Variants in RPSA2 observed in about 807,000 individuals in gnomAD.
The protein encoded by RPSA2 is small ribosomal subunit protein uS2B.
chr19:23,770,059 G>T, the RPSA2 span, among the ~76,000 whole-genome samples: 1 of 152,112 alleles, frequency 6.6e-6, no homozygotes, highest in Non-Finnish European at 1.5e-5. Flanking sequence ...GTTACATATA[G>T]TTGGGCCTAA....
the RPSA2 span, among the ~76,000 whole-genome samples, chr19:23,789,664 G>C: frequency 1.3e-5 from 2 of 151,794 alleles, no homozygotes; most frequent in East Asian, 3.9e-4. Context: ...CTCTCGGGTG[G>C]CACAGACAGT....
chr19:23,853,056 G>A, the RPSA2 span, among the ~76,000 whole-genome samples: 1 of 152,212 alleles, frequency 6.6e-6, no homozygotes, highest in South Asian at 2.1e-4. Context: ...GCTCCAACTG[G>A]TGAAAGCATC....
chr19:23,844,702 T>TATG, the RPSA2 span, among the ~76,000 whole-genome samples: 3 of 150,978 alleles, frequency 2.0e-5, no homozygotes, highest in East Asian at 5.8e-4. Context: ...TCCATTTTTT[T>TATG]ATAATATAAT....
At chr19:23,832,639 T>C in the RPSA2 span, 9 of 1,451,430 alleles carry the variant, frequency 6.2e-6, no homozygotes, top group Non-Finnish European at 8.3e-6. Flanking sequence ...ACCCTACAAA[T>C]GTGAAGAAGG....
the RPSA2 span, among the ~76,000 whole-genome samples, chr19:23,784,622 A>G: frequency 2.0e-5 from 3 of 152,156 alleles, no homozygotes; most frequent in African/African-American, 7.2e-5. Context: ...GGTGACACAG[A>G]TAATGTCGTA....
At chr19:23,862,057 C>T in the RPSA2 span, among the ~76,000 whole-genome samples, 1 of 152,054 alleles carries the variant, frequency 6.6e-6, no homozygotes, top group Non-Finnish European at 1.5e-5. Context: ...TTTCATTGAG[C>T]AGTGGTTTGT....
chr19:23,866,522 C>T, the RPSA2 span, among the ~76,000 whole-genome samples: 28 of 149,186 alleles, frequency 1.9e-4, 1 homozygote, highest in South Asian at 4.6e-3. Context: ...TGCCCCCCCC[C>T]GCCCAGTGGA....
the RPSA2 span, among the ~76,000 whole-genome samples, chr19:23,840,802 C>CG: frequency 6.7e-6 from 1 of 149,364 alleles, no homozygotes. Context: ...TACTAAAATA[C>CG]AAAAAAAAAA....
chr19:23,766,142 C>CTTTTTTTTTTTTTTTTTTTTTTTTTTTTT, the RPSA2 span, among the ~76,000 whole-genome samples: 10 of 43,260 alleles, frequency 2.3e-4, 5 homozygotes, highest in African/African-American at 1.6e-4. Flanking sequence ...TATTTCATTT[C>CTTTTTTTTTTTTTTTTTTTTTTTTTTTTT]CTTTTTTTTT....
the RPSA2 span, among the ~76,000 whole-genome samples, chr19:23,794,487 CT>C: frequency 6.6e-6 from 1 of 152,092 alleles, no homozygotes; most frequent in Non-Finnish European, 1.5e-5. Context: ...CGTTTGTCTT[CT>C]TTTGAAAAGC....
At chr19:23,850,033 A>T in the RPSA2 span, among the ~76,000 whole-genome samples, 4 of 152,190 alleles carry the variant, frequency 2.6e-5, no homozygotes, top group South Asian at 8.3e-4. Context: ...AGATGGATAC[A>T]ACCAGGTGCA....
chr19:23,766,952 G>C, the RPSA2 span, among the ~76,000 whole-genome samples: 2 of 151,646 alleles, frequency 1.3e-5, no homozygotes, highest in African/African-American at 2.4e-5. Flanking sequence ...TTGTTTGCTT[G>C]TTTGTTTTGT....
the RPSA2 span, among the ~76,000 whole-genome samples, chr19:23,864,183 C>T: frequency 1.3e-5 from 2 of 152,206 alleles, no homozygotes; most frequent in Admixed American, 6.5e-5. Context: ...TTTGGGCATG[C>T]AAAGAATGGG....
At chr19:23,864,142 T>G in the RPSA2 span, among the ~76,000 whole-genome samples, 4 of 152,216 alleles carry the variant, frequency 2.6e-5, no homozygotes, top group African/African-American at 9.6e-5. Context: ...CATAGATCCC[T>G]ATCTCACATT....
chr19:23,832,552 C>T, the RPSA2 span: 1 of 872,062 alleles, frequency 1.1e-6, no homozygotes, highest in Non-Finnish European at 1.7e-6. Context: ...AGAAACCCTA[C>T]AAATGTCAAG....
At chr19:23,830,592 A>T in the RPSA2 span, among the ~76,000 whole-genome samples, 1 of 125,582 alleles carries the variant, frequency 8.0e-6, no homozygotes, top group East Asian at 2.4e-4. Flanking sequence ...TTCTTTTAGG[A>T]TCTATTAGTT....
the RPSA2 span, among the ~76,000 whole-genome samples, chr19:23,828,967 A>G: frequency 1.3e-5 from 2 of 151,852 alleles, no homozygotes; most frequent in Non-Finnish European, 2.9e-5. Context: ...ACACACACAC[A>G]CAAATTTGTC....
chr19:23,868,481 C>T, the RPSA2 span, among the ~76,000 whole-genome samples: 1 of 151,744 alleles, frequency 6.6e-6, no homozygotes, highest in Non-Finnish European at 1.5e-5. Context: ...AGACCAGGCA[C>T]ATCAAACGTT....
At chr19:23,803,957 TG>T in the RPSA2 span, among the ~76,000 whole-genome samples, 1 of 152,132 alleles carries the variant, frequency 6.6e-6, no homozygotes, top group Non-Finnish European at 1.5e-5. Context: ...ATAAAAATGC[TG>T]GGTTCTTATT....
Sources: allele counts gnomAD v4.1 joint callset (sites outside exome capture counted in the v4.1 genomes callset), GRCh38; gene constraint gnomAD v4.1.1; transcripts MANE v1.5; gene names NCBI Gene and HGNC (gene_info 2026-07-23, HGNC 2026-07-21).